The following FBXW7 variants were observed in gnomAD, a reference collection of about 807,000 sequenced individuals.
FBXW7 encodes F-box and WD repeat domain containing 7.
Under a neutral mutation model 86.3 loss-of-function variants are expected in FBXW7, and 11 were observed. The observed-to-expected ratio is 0.13, with a 90% CI of 0.08 to 0.21. FBXW7 has a LOEUF of 0.21. Among genes scored for constraint, FBXW7 ranks in the 10% least tolerant of loss-of-function variants. FBXW7 has a pLI of 1.00. For synonymous variants in FBXW7, 313 were observed against 297.9 expected (o/e 1.05, Z -0.52); for missense variants, 488 against 847.4 (o/e 0.58, Z 5.27).
chr4:152,480,536 T>C (rs1469803919), intron 2 of FBXW7, among the ~76,000 whole-genome samples: 1 of 152,090 alleles, frequency 6.6e-6, no homozygotes, highest in Non-Finnish European at 1.5e-5. Context: ...TTGGAAATAA[T>C]TAAGCTTAGT....
At chr4:152,416,792 C>T (rs978298190) in intron 2 of FBXW7, among the ~76,000 whole-genome samples, 1 of 152,126 alleles carries the variant, frequency 6.6e-6, no homozygotes, top group African/African-American at 2.4e-5. Flanking sequence ...ATTCCTCAGT[C>T]CACATGACAA....
chr4:152,358,187 A>G (rs1256307644), intron 4 of FBXW7, among the ~76,000 whole-genome samples: 1 of 152,240 alleles, frequency 6.6e-6, no homozygotes, highest in African/African-American at 2.4e-5. Flanking sequence ...ATGGAAAAAA[A>G]GTATAAAATG....
chr4:152,324,090 G>A (rs1478038068), intron 13 of FBXW7, 94 bp downstream of exon 13: 10 of 924,962 alleles, frequency 1.1e-5, no homozygotes, highest in Admixed American at 2.1e-5. Flanking sequence ...CATTCTGTAT[G>A]AGGTTGACTC....
rs150309840 is a variant in FBXW7, at chr4:152,446,024, A to G, written c.-119-33495T>C. ...AAACCATTTTGCCTAGGCAACAAAG[A>G]TGACTGCACAGCGCTTATCTAATAG... On this transcript the variant is annotated intron_variant, in intron 2 of 13. Transcript: ENST00000281708. Among the ~76,000 whole-genome samples the G allele has an allele frequency of 5.2e-3, 793 of 152,228 alleles. 24 individuals carry two copies. Among genetic ancestry groups the G allele is most frequent in the Admixed American group, 0.049 (746 of 15,284 alleles).
At chr4:152,382,181 A>T (rs1394811460) in intron 4 of FBXW7, 2 of 1,543,300 alleles carry the variant, frequency 1.3e-6, no homozygotes, top group Admixed American at 1.9e-5. Context: ...CAAATGTGTG[A>T]GACTTACCCG....
intron 2 of FBXW7, among the ~76,000 whole-genome samples, chr4:152,433,918 T>C (rs1352101356): frequency 6.6e-6 from 1 of 152,194 alleles, no homozygotes; most frequent in Non-Finnish European, 1.5e-5. Context: ...TTAGAAACTA[T>C]AGGAAGTAAC....
chr4:152,463,149 G>A (rs548566732), intron 2 of FBXW7, among the ~76,000 whole-genome samples: 3 of 151,816 alleles, frequency 2.0e-5, no homozygotes, highest in South Asian at 4.2e-4. Context: ...TTAGCTGGGC[G>A]TGGTGGTGGG....
chr4:152,390,407 C>T lies in FBXW7; in HGVS notation c.501+20896G>A, dbSNP rs948906371. Among the ~76,000 whole-genome samples, 11 of 152,154 alleles carry T rather than the reference C, an allele frequency of 7.2e-5. No homozygotes were observed. In the South Asian group the frequency reaches 2.1e-3, roughly 29 times the overall value. On this transcript the variant is annotated intron_variant, in intron 4 of 13. Coordinates refer to ENST00000281708, the MANE Select transcript of FBXW7 (RefSeq NM_001349798.2). ...CATGATTAAGCTTAACTCTTACAGG[C>T]TGAGCTGGGTTACCCCAGCTGTTAA...
intron 2 of FBXW7, among the ~76,000 whole-genome samples, chr4:152,511,231 GA>G (rs375445191): frequency 4.4e-4 from 67 of 151,978 alleles, no homozygotes; most frequent in African/African-American, 1.6e-3. Flanking sequence ...AATATAACAG[GA>G]AGGATAGCAG....
At position 152,421,150 on chromosome 4, in the gene FBXW7, T is replaced by C. The variant is rs537640384; in HGVS notation, c.-119-8621A>G. The stretch of plus-strand genomic sequence containing the variant: ...TACTTTACCTTGTACTTACATGTTA[T>C]CGAGACAGCTTATTTCCTTAAACCT... On this transcript the variant is annotated intron_variant, in intron 2 of 13. Transcript: ENST00000281708. Among the ~76,000 whole-genome samples the C allele has an allele frequency of 3.3e-5, 5 of 152,272 alleles. No individual in the cohort carries two copies. In the South Asian group the frequency reaches 6.2e-4, roughly 19 times the overall value.
At chr4:152,337,712 C>G (rs2126580866) in intron 7 of FBXW7, 90 bp downstream of exon 7, 1 of 1,341,688 alleles carries the variant, frequency 7.5e-7, no homozygotes, top group South Asian at 1.5e-5. Flanking sequence ...TACCGAATAC[C>G]ATAATTAGCA....
At chr4:152,484,507 A>T (rs1745173565) in intron 2 of FBXW7, among the ~76,000 whole-genome samples, 1 of 152,210 alleles carries the variant, frequency 6.6e-6, no homozygotes, top group Non-Finnish European at 1.5e-5. Flanking sequence ...ACAAGTAAAC[A>T]TACTAACAAT....
chr4:152,357,799 A>G (rs1402455286), intron 4 of FBXW7, among the ~76,000 whole-genome samples: 1 of 152,174 alleles, frequency 6.6e-6, no homozygotes, highest in Non-Finnish European at 1.5e-5. Context: ...GTATTTATCT[A>G]CAAATATATA....
At position 152,352,473 on chromosome 4, in the gene FBXW7, G is replaced by A. The variant is rs1014468544; in HGVS notation, c.502-2349C>T. 7 of 1,613,602 alleles carry A rather than the reference G, an allele frequency of 4.3e-6. No individual in the cohort carries two copies. The African/African-American group carries it at 9.4e-5, about 22-fold the overall frequency. ...AGGAAGAAAACAGCTTACTTACTTT[G>A]TAAAAAATCATTTTTAATGTGCCGT... On this transcript the variant is annotated intron_variant, in intron 4 of 13. Transcript: ENST00000281708.
intron 2 of FBXW7, among the ~76,000 whole-genome samples, chr4:152,515,682 AAC>A (rs1023633110): frequency 1.3e-5 from 2 of 152,226 alleles, no homozygotes; most frequent in African/African-American, 4.8e-5. Flanking sequence ...AAAGAACACA[AAC>A]ACAACAGTAG....
In FBXW7 at chr4:152,512,756, C is replaced by T. The variant is rs1748097481; in HGVS notation, c.-120+22185G>A. Among the ~76,000 whole-genome samples, 13 of 152,186 alleles carry T rather than the reference C, an allele frequency of 8.5e-5. No individual in the cohort carries two copies. The South Asian group carries it at 2.7e-3, about 31-fold the overall frequency. The stretch of plus-strand genomic sequence containing the variant: ...TGCGCAAAGAGGAAATGGGAAGTGA[C>T]TCCTTAATGAGCATCAGGGTTCTTT... On this transcript the variant is annotated intron_variant, in intron 2 of 13. Transcript: ENST00000281708.
At chr4:152,460,144 TACC>T (rs529703473) in intron 2 of FBXW7, among the ~76,000 whole-genome samples, 20 of 152,356 alleles carry the variant, frequency 1.3e-4, no homozygotes, top group East Asian at 3.9e-4. Flanking sequence ...GTACATATTT[TACC>T]ACATTTTTAA....
intron 4 of FBXW7, among the ~76,000 whole-genome samples, chr4:152,359,095 TAACTA>T (rs1363885214): frequency 6.6e-6 from 1 of 152,204 alleles, no homozygotes; most frequent in Non-Finnish European, 1.5e-5. Context: ...AGGTCCATAT[TAACTA>T]TGCTTCTACT....
At chr4:152,513,578 A>G (rs1016124933) in intron 2 of FBXW7, among the ~76,000 whole-genome samples, 1 of 152,264 alleles carries the variant, frequency 6.6e-6, no homozygotes, top group African/African-American at 2.4e-5. Context: ...GATTTTAAAA[A>G]GCAACATTCC....
Sources: gnomAD v4.1 joint callset for allele counts (sites outside exome capture counted in the v4.1 genomes callset) on GRCh38, gnomAD v4.1.1 for gene constraint, MANE v1.5 for transcripts, NCBI Gene and HGNC (gene_info 2026-07-23, HGNC 2026-07-21) for gene names.